The following NYAP2 variants were observed in gnomAD, a reference collection of about 807,000 sequenced individuals.
NYAP2 encodes neuronal tyrosine-phosphorylated phosphoinositide-3-kinase adapter 2.
In NYAP2, 23 loss-of-function variants were observed where a neutral mutation model predicts 50.4. The observed-to-expected ratio is 0.46, with a 90% CI of 0.33 to 0.65. NYAP2 has a LOEUF of 0.65. NYAP2 is among the 30% of genes least tolerant of loss of function. The pLI, the probability that NYAP2 is intolerant of heterozygous loss-of-function variation, is 0.02. For synonymous variants in NYAP2, 394 were observed against 365.2 expected (o/e 1.08, Z -0.90); for missense variants, 885 against 861.0 (o/e 1.03, Z -0.35).
At chr2:225,446,260 A>C (rs752528779) in intron 3 of NYAP2, among the ~76,000 whole-genome samples, 2,626 of 122,254 alleles carry the variant, frequency 0.021, 37 homozygotes, top group Middle Eastern at 0.038. Flanking sequence ...ATATATATAT[A>C]TATATATATA....
intron 2 of NYAP2, among the ~76,000 whole-genome samples, chr2:225,403,664 A>G (rs1694896869): frequency 6.6e-6 from 1 of 151,954 alleles, no homozygotes; most frequent in East Asian, 1.9e-4. Context: ...CTTGGAAAAT[A>G]AAAGTTTCAG....
At chr2:225,506,646 G>T (rs988829453) in intron 3 of NYAP2, among the ~76,000 whole-genome samples, 3 of 152,186 alleles carry the variant, frequency 2.0e-5, no homozygotes, top group African/African-American at 7.2e-5. Flanking sequence ...TTAAGAGAAG[G>T]CAACAGGGAG....
intron 3 of NYAP2, among the ~76,000 whole-genome samples, chr2:225,436,457 G>T (rs1270196006): frequency 6.6e-6 from 1 of 151,972 alleles, no homozygotes; most frequent in African/African-American, 2.4e-5. Flanking sequence ...TCTTTACCTG[G>T]CATTTTCCCC....
intron 5 of NYAP2, among the ~76,000 whole-genome samples, chr2:225,623,588 T>C (rs2106255952): frequency 6.6e-6 from 1 of 152,338 alleles, no homozygotes. Flanking sequence ...AATGTTTAGC[T>C]ACAATTTTCC....
At chr2:225,687,856 C>G in the NYAP2 span, among the ~76,000 whole-genome samples, 2 of 152,126 alleles carry the variant, frequency 1.3e-5, no homozygotes, top group African/African-American at 4.8e-5. Flanking sequence ...TTTCTGCGCC[C>G]TCTTGAGTTA....
Position 225,582,758 on chromosome 2 carries a change from TC to T in NYAP2, c.1345del (p.Leu449Ter). ...CCGTCAGCATGGGGAGGTCCCTGAC[TC>T]CCCTGAGCCTCAAAAGGCCTCCCCC... On this transcript the variant is annotated frameshift_variant, in exon 5 of 7. Coordinates refer to ENST00000636099, the Ensembl canonical transcript of NYAP2. LOFTEE classifies it high-confidence loss of function. This position sits in a 1 kb window ranked among gnomAD's most constrained non-coding sequence, Gnocchi z 7.0. 1 of 1,613,350 alleles carries T rather than the reference TC, an allele frequency of 6.2e-7. No individual in the cohort carries two copies. The highest frequency in any genetic ancestry group is 8.5e-7 in the Non-Finnish European group (1 of 1,179,746).
rs1208889841 is a variant in NYAP2 at position 225,581,928 on chromosome 2, T to C, written c.524-13T>C. 2 of 1,583,634 alleles carry C rather than the reference T, an allele frequency of 1.3e-6. No homozygotes were observed. The highest frequency in any genetic ancestry group is 2.3e-5 in the East Asian group (1 of 44,304). On this transcript the variant is annotated splice_polypyrimidine_tract_variant and intron_variant, in intron 4 of 6. Transcript: ENST00000636099. ...TATACTCATCTATTCCACTACGTTTTTTCTTCTTTTAGCGTCAGCTAAACC... is the reference window on the plus strand; with the variant it reads ...TATACTCATCTATTCCACTACGTTTCTTCTTCTTTTAGCGTCAGCTAAACC...
At chr2:225,627,558 A>T (rs987529135) in intron 6 of NYAP2, among the ~76,000 whole-genome samples, 2 of 152,222 alleles carry the variant, frequency 1.3e-5, no homozygotes, top group Admixed American at 6.5e-5. Context: ...TAACAAAGAT[A>T]ATCTGAAAGC....
chr2:225,572,372 C>T (rs1045117642), intron 4 of NYAP2, among the ~76,000 whole-genome samples: 2 of 152,212 alleles, frequency 1.3e-5, no homozygotes, highest in Non-Finnish European at 2.9e-5. Flanking sequence ...GTTTAATTGA[C>T]TCACAGTTCT....
At position 225,582,545 on chromosome 2, in the gene NYAP2, C is replaced by A. The variant is rs370093403; in HGVS notation, c.1128C>A (p.Ala376=). The stretch of plus-strand genomic sequence containing the variant: ...ACGTGTCTTACATGAAACAGCCAGC[C>A]GGGGCGTCGCCCTCCACGCTGCCGT... The change falls in exon 5 of 7, where the codon GCC becomes GCA. Residue 376 remains alanine (A), a synonymous_variant. Transcript: ENST00000636099. This position sits in a 1 kb window ranked among gnomAD's most constrained non-coding sequence, Gnocchi z 7.0. The A allele has an allele frequency of 2.2e-5, 34 of 1,578,878 alleles. No individual in the cohort carries two copies. Among genetic ancestry groups the A allele is most frequent in the Admixed American group, 8.9e-5 (5 of 56,340 alleles).
chr2:225,435,474 T>A (rs16866608), intron 3 of NYAP2, among the ~76,000 whole-genome samples: 2,563 of 152,266 alleles, frequency 0.017, 60 homozygotes, highest in African/African-American at 0.058. Flanking sequence ...GAGGTTAAAT[T>A]GGCTTAAGTT....
At chr2:225,475,287 A>G (rs541265315) in intron 3 of NYAP2, among the ~76,000 whole-genome samples, 1 of 152,244 alleles carries the variant, frequency 6.6e-6, no homozygotes, top group East Asian at 1.9e-4. Flanking sequence ...ACCATACCAA[A>G]CCAAACCCTA....
At chr2:225,593,001 A>C (rs1692537063) in intron 5 of NYAP2, among the ~76,000 whole-genome samples, 1 of 152,244 alleles carries the variant, frequency 6.6e-6, no homozygotes, top group Non-Finnish European at 1.5e-5. Flanking sequence ...ATATACATGA[A>C]AAATACTAGA....
chr2:225,565,930 A>G (rs1050830361), intron 4 of NYAP2, among the ~76,000 whole-genome samples: 3 of 152,172 alleles, frequency 2.0e-5, no homozygotes, highest in Non-Finnish European at 4.4e-5. Context: ...ATATATTTGT[A>G]AAACAAATAT....
At position 225,618,334 on chromosome 2, in the gene NYAP2, C is replaced by T. The variant is rs375503515; in HGVS notation, c.1619-8583C>T. ...ATATTGTCCCAGGTCCTCATGTCAC[C>T]TAGTAGTCCACCTGTCCAGGTGCAG... On this transcript the variant is annotated intron_variant, in intron 5 of 6. Coordinates refer to ENST00000636099, the Ensembl canonical transcript of NYAP2. 2.5e-4 allele frequency among the ~76,000 whole-genome samples: 38 copies of T among 152,292 alleles called. 2 individuals are homozygous for T. In the South Asian group the frequency reaches 7.5e-3, roughly 30 times the overall value.
At chr2:225,570,436 G>A (rs1188232787) in intron 4 of NYAP2, among the ~76,000 whole-genome samples, 1 of 152,150 alleles carries the variant, frequency 6.6e-6, no homozygotes, top group Non-Finnish European at 1.5e-5. Context: ...AAGAAAAGAG[G>A]TTTAATTGAC....
chr2:225,554,760 G>T (rs1339591143), intron 4 of NYAP2, among the ~76,000 whole-genome samples: 1 of 152,082 alleles, frequency 6.6e-6, no homozygotes, highest in Non-Finnish European at 1.5e-5. Flanking sequence ...GATGATAATA[G>T]TGTATTATAT....
chr2:225,593,871 G>C (rs1376406288), intron 5 of NYAP2, among the ~76,000 whole-genome samples: 1 of 152,214 alleles, frequency 6.6e-6, no homozygotes, highest in Non-Finnish European at 1.5e-5. Context: ...GTTTGACTTA[G>C]AATATTCCAC....
At chr2:225,618,581 C>T (rs1279630814) in intron 5 of NYAP2, among the ~76,000 whole-genome samples, 1 of 152,158 alleles carries the variant, frequency 6.6e-6, no homozygotes, top group East Asian at 1.9e-4. Context: ...CTTAAGTATT[C>T]CCAAACAAGA....
Sources: allele counts gnomAD v4.1 joint callset (sites outside exome capture counted in the v4.1 genomes callset), GRCh38; gene constraint gnomAD v4.1.1; non-coding constraint Gnocchi (gnomAD v3.1); transcripts MANE v1.5; gene names NCBI Gene and HGNC (gene_info 2026-07-23, HGNC 2026-07-21).